The following RARB variants were observed in gnomAD, a reference collection of about 807,000 sequenced individuals.
The protein encoded by RARB is HBV-activated protein.
A neutral mutation model predicts 51.9 loss-of-function variants in RARB; 17 were observed. The ratio of observed to expected loss-of-function variants is 0.33; its 90% CI spans 0.22 to 0.49. The LOEUF is 0.49. Among genes scored for constraint, RARB ranks in the 20% least tolerant of loss-of-function variants. The probability of loss-of-function intolerance (pLI) is 0.99; values close to 1 mark genes in which losing one functional copy is unlikely to be tolerated. For synonymous variants in RARB, 215 were observed against 195.4 expected (o/e 1.10, Z -0.84); for missense variants, 369 against 550.8 (o/e 0.67, Z 3.30).
intron 5 of RARB, among the ~76,000 whole-genome samples, chr3:25,394,591 G>A (rs1410918196): frequency 1.3e-5 from 2 of 151,924 alleles, no homozygotes; most frequent in Non-Finnish European, 2.9e-5. Context: ...CAGTGTTAGA[G>A]GCATATATAT....
At chr3:25,164,673 TG>T (rs1248250949) in intron 4 of RARB, among the ~76,000 whole-genome samples, 1 of 152,248 alleles carries the variant, frequency 6.6e-6, no homozygotes, top group East Asian at 1.9e-4. Context: ...TCTGCTACTT[TG>T]GGGACCCTAT....
intron 3 of RARB, among the ~76,000 whole-genome samples, chr3:25,102,694 C>T (rs1006643980): frequency 3.3e-5 from 5 of 152,054 alleles, no homozygotes; most frequent in Middle Eastern, 6.8e-3. Flanking sequence ...ATGAAAGAGA[C>T]ATTTTGGTAT....
In RARB at chr3:25,389,955, G is replaced by A. The variant is rs546879839; in HGVS notation, c.179-71238G>A. Among the ~76,000 whole-genome samples the A allele has an allele frequency of 2.0e-5, 3 of 152,258 alleles. No individual in the cohort carries two copies. The South Asian group carries it at 6.2e-4, about 32-fold the overall frequency. On this transcript the variant is annotated intron_variant, in intron 5 of 11. Transcript: ENST00000383772. ...ATAGCAAAAGGTTCCAAGACAGGTG[G>A]TAAGGAGACATAAGTTTGGATTGGT...
At chr3:24,961,845 A>G (rs1364818120) in intron 2 of RARB, among the ~76,000 whole-genome samples, 1 of 152,128 alleles carries the variant, frequency 6.6e-6, no homozygotes, top group Admixed American at 6.5e-5. Context: ...TATAAAAACA[A>G]AGCATTTTGG....
intron 5 of RARB, among the ~76,000 whole-genome samples, chr3:25,319,305 C>T (rs1338186350): frequency 6.6e-6 from 1 of 152,118 alleles, no homozygotes; most frequent in Non-Finnish European, 1.5e-5. Flanking sequence ...AGACGATGCC[C>T]ACATAATAAC....
chr3:25,513,467 A>G (rs1698006099), intron 3 of RARB, among the ~76,000 whole-genome samples: 2 of 152,094 alleles, frequency 1.3e-5, no homozygotes, highest in African/African-American at 4.8e-5. Flanking sequence ...GCCCAAGAAA[A>G]CATTAGGTCT....
In RARB at chr3:24,915,238, T is replaced by C. The variant is rs889523017; in HGVS notation, c.-380+56486T>C. On this transcript the variant is annotated intron_variant, in intron 2 of 11. Coordinates refer to the RARB transcript ENST00000383772. ...CCCATGCTGTCCAACAGAAATGTGATATAAGTCAAACATGTAACATAGTTT... is the reference window on the plus strand; with the variant it reads ...CCCATGCTGTCCAACAGAAATGTGACATAAGTCAAACATGTAACATAGTTT... Among the ~76,000 whole-genome samples, 4 of 152,234 alleles carry C rather than the reference T, an allele frequency of 2.6e-5. No homozygotes were observed. The East Asian group carries it at 5.8e-4, about 22-fold the overall frequency.
chr3:24,980,999 A>T (rs571802090), intron 2 of RARB, among the ~76,000 whole-genome samples: 2 of 149,932 alleles, frequency 1.3e-5, no homozygotes, highest in African/African-American at 4.8e-5. Flanking sequence ...TCGTTTTGTT[A>T]GTTTTCCTTC....
intron 5 of RARB, among the ~76,000 whole-genome samples, chr3:25,346,775 C>A (rs190781505): frequency 2.0e-5 from 3 of 152,314 alleles, no homozygotes; most frequent in Admixed American, 2.0e-4. Context: ...ACATGGCCCA[C>A]TGGTCAAGTT....
At chr3:25,436,714 C>T (rs1047853972) in intron 1 of RARB, among the ~76,000 whole-genome samples, 1 of 152,170 alleles carries the variant, frequency 6.6e-6, no homozygotes, top group African/African-American at 2.4e-5. Flanking sequence ...TCTTCCAGAG[C>T]TTATCCTATC....
At chr3:25,365,691 A>G (rs565533887) in intron 5 of RARB, among the ~76,000 whole-genome samples, 1 of 152,210 alleles carries the variant, frequency 6.6e-6, no homozygotes, top group Non-Finnish European at 1.5e-5. Context: ...CGTGTCTGTT[A>G]TCTGGGCTAG....
intron 2 of RARB, among the ~76,000 whole-genome samples, chr3:24,899,378 C>T (rs1004172161): frequency 6.6e-6 from 1 of 152,162 alleles, no homozygotes; most frequent in Admixed American, 6.5e-5. Context: ...AGAATAGGTA[C>T]TCAGTTATCT....
chr3:25,565,802 C>T (rs374924147), intron 3 of RARB, among the ~76,000 whole-genome samples: 2 of 152,206 alleles, frequency 1.3e-5, no homozygotes, highest in South Asian at 2.1e-4. Flanking sequence ...TAGGCCTTTA[C>T]AGTAGTCTAC....
intron 3 of RARB, among the ~76,000 whole-genome samples, chr3:25,532,703 T>A (rs1306640766): frequency 2.0e-5 from 3 of 152,346 alleles, no homozygotes; most frequent in African/African-American, 7.2e-5. Context: ...CAAATTATTA[T>A]GAACATGGTC....
intron 2 of RARB, 41 bp downstream of exon 2, chr3:25,461,382 C>G: frequency 1.3e-6 from 2 of 1,599,418 alleles, no homozygotes; most frequent in Non-Finnish European, 1.7e-6. Flanking sequence ...CTCTCATTCT[C>G]CATGTACTTT....
intron 3 of RARB, among the ~76,000 whole-genome samples, chr3:25,092,378 CA>C (rs11284240): frequency 0.014 from 2,111 of 151,774 alleles, 55 homozygotes; most frequent in East Asian, 0.063. Flanking sequence ...TAAAACAAAA[CA>C]AAAAAACCTC....
chr3:25,009,563 G>A (rs143096269), intron 2 of RARB, among the ~76,000 whole-genome samples: 1 of 152,156 alleles, frequency 6.6e-6, no homozygotes, highest in African/African-American at 2.4e-5. Context: ...CTTAGGAGTA[G>A]GTGTCTCTGT....
rs189037701 is a variant in RARB at position 25,216,536 on chromosome 3, G to A, written c.178+41961G>A. On this transcript the variant is annotated intron_variant, in intron 5 of 11. Transcript: ENST00000383772. ...CACTCATAAGTAGGAGTTGAACATT[G>A]AGAACACATAGACACAAAGGGGAAC... Among the ~76,000 whole-genome samples, 580 of 151,634 alleles carry A rather than the reference G, an allele frequency of 3.8e-3. 3 individuals are homozygous for A. Among genetic ancestry groups the A allele is most frequent in the Middle Eastern group, 0.014 (4 of 294 alleles).
chr3:25,431,578 C>T lies in RARB; in HGVS notation c.157+2690C>T, dbSNP rs1174534615. On this transcript the variant is annotated intron_variant, in intron 1 of 7. Transcript: ENST00000330688. ...TCTCCAGGATTATCTTGGTTTTAGGCGGCTCCAGATGTTTTCAACATTAAT... is the reference window on the plus strand; with the variant it reads ...TCTCCAGGATTATCTTGGTTTTAGGTGGCTCCAGATGTTTTCAACATTAAT... Among the ~76,000 whole-genome samples the T allele has an allele frequency of 2.6e-5, 4 of 151,960 alleles. No individual in the cohort carries two copies. The East Asian group carries it at 5.8e-4, about 22-fold the overall frequency.
Sources: gnomAD v4.1 joint callset for allele counts (sites outside exome capture counted in the v4.1 genomes callset) on GRCh38, gnomAD v4.1.1 for gene constraint, MANE v1.5 for transcripts, NCBI Gene and HGNC (gene_info 2026-07-23, HGNC 2026-07-21) for gene names.